Variants in VAV3 observed in about 807,000 individuals in gnomAD.
VAV3 encodes guanine nucleotide exchange factor VAV3.
Under a neutral mutation model 131.2 loss-of-function variants are expected in VAV3, and 94 were observed. The ratio of observed to expected loss-of-function variants is 0.72; its 90% CI spans 0.61 to 0.85. VAV3 has a LOEUF of 0.85. VAV3 is among the 40% of genes least tolerant of loss of function. The probability of loss-of-function intolerance (pLI) is 0.00; values close to 1 mark genes in which losing one functional copy is unlikely to be tolerated. For missense variants in VAV3, 939 were observed against 1,002.7 expected (o/e 0.94, Z 0.86); for synonymous variants, 349 against 342.0 (o/e 1.02, Z -0.22).
intron 1 of VAV3, among the ~76,000 whole-genome samples, chr1:107,922,306 GA>G (rs538643575): frequency 1.3e-4 from 20 of 148,346 alleles, no homozygotes; most frequent in African/African-American, 4.7e-4. Context: ...TCAGTATCCA[GA>G]AAAAAAAAAT....
chr1:107,809,428 G>A (rs556837431), intron 2 of VAV3, among the ~76,000 whole-genome samples: 1 of 152,300 alleles, frequency 6.6e-6, no homozygotes, highest in South Asian at 2.1e-4. Flanking sequence ...GGATAGTACA[G>A]TCAGCATGGC....
chr1:107,757,248 G>A lies in VAV3; in HGVS notation c.1086+13C>T. ...TAAAAAATACAAACAAATTACTGAT[G>A]AATCTGCCCTACCTTCATGGCATCA... is the stretch of plus-strand genomic sequence containing the variant. On this transcript the variant is annotated intron_variant, in intron 11 of 26. Transcript: ENST00000370056. 6.2e-7 allele frequency: 1 copy of A among 1,607,582 alleles called. No homozygotes were observed. The highest frequency in any genetic ancestry group is 8.5e-7 in the Non-Finnish European group (1 of 1,177,776).
At chr1:107,940,765 T>C (rs1007118034) in intron 1 of VAV3, among the ~76,000 whole-genome samples, 1 of 152,106 alleles carries the variant, frequency 6.6e-6, no homozygotes, top group Non-Finnish European at 1.5e-5. Context: ...TTATATGCAG[T>C]ATCTAGAGTA....
chr1:107,713,457 T>C (rs543973626), intron 15 of VAV3, among the ~76,000 whole-genome samples: 31 of 152,042 alleles, frequency 2.0e-4, no homozygotes, highest in Middle Eastern at 3.4e-3. Context: ...ACAAGTACCA[T>C]TGAAAGTCCA....
chr1:107,870,757 C>T (rs1670215719), intron 2 of VAV3, among the ~76,000 whole-genome samples: 1 of 152,128 alleles, frequency 6.6e-6, no homozygotes, highest in African/African-American at 2.4e-5. Flanking sequence ...CTGTCCTGAA[C>T]CTGAACATGA....
chr1:107,918,686 C>CATAT (rs67156403), intron 1 of VAV3, among the ~76,000 whole-genome samples: 4,440 of 134,246 alleles, frequency 0.033, 123 homozygotes, highest in African/African-American at 0.064. Flanking sequence ...ATTTTTAAGG[C>CATAT]ATATATATAT....
At chr1:107,680,937 G>T (rs1658559074) in intron 19 of VAV3, among the ~76,000 whole-genome samples, 1 of 152,028 alleles carries the variant, frequency 6.6e-6, no homozygotes, top group African/African-American at 2.4e-5. Context: ...ATCAGCAGGA[G>T]GAATTTAAAA....
chr1:107,653,718 A>G (rs1298353829), intron 19 of VAV3, among the ~76,000 whole-genome samples: 2 of 152,172 alleles, frequency 1.3e-5, no homozygotes, highest in Non-Finnish European at 2.9e-5. Context: ...TATTATTCAA[A>G]GCCACCAATG....
In VAV3 at chr1:107,800,873, A is replaced by G. The variant is rs1041117402; in HGVS notation, c.322-21381T>C. Among the ~76,000 whole-genome samples, 8 of 152,146 alleles carry G rather than the reference A, an allele frequency of 5.3e-5. No homozygotes were observed. The South Asian group carries it at 1.7e-3, about 32-fold the overall frequency. On this transcript the variant is annotated intron_variant, in intron 2 of 26. Transcript: ENST00000370056. ...TGCTTTGGCTGCCTGTGCTTTTGAG[A>G]TCTTACACAAAAAATATTTGCCCAG...
At chr1:107,785,472 T>G in intron 2 of VAV3, 1 of 1,325,866 alleles carries the variant, frequency 7.5e-7, no homozygotes, top group East Asian at 5.2e-5. Flanking sequence ...AGGTGGGCTC[T>G]GCAAGGGCAA....
chr1:107,853,426 T>C (rs1317633834), intron 2 of VAV3, among the ~76,000 whole-genome samples: 1 of 152,164 alleles, frequency 6.6e-6, no homozygotes, highest in Non-Finnish European at 1.5e-5. Context: ...ATAAATAATA[T>C]GTGTTTTGTC....
At chr1:107,920,299 T>TA (rs1196026385) in intron 1 of VAV3, among the ~76,000 whole-genome samples, 2 of 152,166 alleles carry the variant, frequency 1.3e-5, no homozygotes, top group Non-Finnish European at 2.9e-5. Context: ...AAAAGCTAGA[T>TA]AAAATGCATA....
rs562910602 is a variant in VAV3, at chr1:107,779,241, T to C, written c.380+193A>G. On this transcript the variant is annotated intron_variant, in intron 3 of 26. Transcript: ENST00000370056. ...TTGAGAACAATGTTTAGCCAATGTGTTATTCAACTCTATCAATAAGTTCTA... is the reference window on the plus strand; with the variant it reads ...TTGAGAACAATGTTTAGCCAATGTGCTATTCAACTCTATCAATAAGTTCTA... Among the ~76,000 whole-genome samples the C allele has an allele frequency of 3.9e-5, 6 of 152,188 alleles. No homozygotes were observed. In the East Asian group the frequency reaches 1.2e-3, roughly 29 times the overall value.
chr1:107,959,019 C>T (rs926423465), intron 1 of VAV3, among the ~76,000 whole-genome samples: 3 of 152,036 alleles, frequency 2.0e-5, no homozygotes, highest in African/African-American at 4.8e-5. Flanking sequence ...CCAGTACTTT[C>T]GGGAGGCCAA....
intron 1 of VAV3, among the ~76,000 whole-genome samples, chr1:107,899,500 C>G (rs867629253): frequency 4.0e-4 from 61 of 152,176 alleles, no homozygotes; most frequent in Middle Eastern, 3.4e-3. Context: ...TGAAGGGCTA[C>G]AAAGGCACAG....
chr1:107,813,115 T>A, intron 2 of VAV3, among the ~76,000 whole-genome samples: 1 of 65,762 alleles, frequency 1.5e-5, no homozygotes. Flanking sequence ...CCAGACTCCG[T>A]CTCAAAAAAA....
At chr1:107,879,433 A>G (rs915635612) in intron 1 of VAV3, among the ~76,000 whole-genome samples, 1 of 152,222 alleles carries the variant, frequency 6.6e-6, no homozygotes, top group African/African-American at 2.4e-5. Flanking sequence ...GGAGTGCATA[A>G]TAAGCCAATT....
At chr1:107,587,017 T>C (rs1427043786) in intron 25 of VAV3, among the ~76,000 whole-genome samples, 1 of 152,044 alleles carries the variant, frequency 6.6e-6, no homozygotes, top group Admixed American at 6.6e-5. Context: ...TACAGAACGT[T>C]TAAAAAAACT....
At chr1:107,587,170 G>A (rs1322631230) in intron 25 of VAV3, among the ~76,000 whole-genome samples, 2 of 152,290 alleles carry the variant, frequency 1.3e-5, no homozygotes, top group Non-Finnish European at 1.5e-5. Context: ...TTTAATGCAA[G>A]CAGAGGCTCA....
Sources: gnomAD v4.1 joint callset for allele counts (sites outside exome capture counted in the v4.1 genomes callset) on GRCh38, gnomAD v4.1.1 for gene constraint, MANE v1.5 for transcripts, NCBI Gene and HGNC (gene_info 2026-07-23, HGNC 2026-07-21) for gene names.